Variants in PROX1 observed in about 807,000 individuals in gnomAD.
PROX1 encodes the protein prospero homeobox 1, also known as prospero homeobox protein 1.
A neutral mutation model predicts 58.8 loss-of-function variants in PROX1; 7 were observed. The ratio of observed to expected loss-of-function variants is 0.12; its 90% confidence interval spans 0.07 to 0.22. PROX1 has a LOEUF of 0.22. PROX1 is among the 10% of genes least tolerant of loss of function. The probability of loss-of-function intolerance (pLI) is 1.00; values close to 1 mark genes in which losing one functional copy is unlikely to be tolerated. For missense variants in PROX1, 675 were observed against 927.8 expected (o/e 0.73, Z 3.54); for synonymous variants, 350 against 358.3 (o/e 0.98, Z 0.26).
Position 213,988,352 on chromosome 1 carries a change from C to T in PROX1, c.-199C>T, listed in dbSNP as rs1662884987. The stretch of plus-strand genomic sequence containing the variant: ...TTGTCCAATTATCATATTCATCACC[C>T]GCAAGATATCACCGTGTGTGCACTC... On this transcript the variant is annotated 5_prime_UTR_variant, in exon 1 of 5. Coordinates refer to ENST00000366958, the MANE Select transcript of PROX1 (RefSeq NM_001270616.2). The T allele has an allele frequency of 6.6e-6, 1 of 151,870 alleles. No individual in the cohort carries two copies. The highest frequency in any genetic ancestry group is 1.5e-5 in the Non-Finnish European group (1 of 68,046). The allele number at this position is 151,870 out of a possible 1,614,324, so 9.4% of individuals were successfully genotyped here. A position where few individuals can be genotyped will look rare whatever the true frequency, so the allele number is the denominator to read the frequency against.
chr1:214,018,195 C>T (rs1571830602), intron 4 of PROX1, among the ~76,000 whole-genome samples: 1 of 152,066 alleles, frequency 6.6e-6, no homozygotes, highest in Non-Finnish European at 1.5e-5. Context: ...CTTCATTTTT[C>T]CCCCCGCAGG....
In PROX1 at chr1:214,037,619, CAG is replaced by C. The variant is rs1664870606; in HGVS notation, c.*1786_*1787del. 3.3e-5 allele frequency: 5 copies of C among 152,220 alleles called. No individual in the cohort carries two copies. In the South Asian group the frequency reaches 8.3e-4, roughly 25 times the overall value. The allele number at this position is 152,220 out of a possible 1,614,324, so 9.4% of individuals were successfully genotyped here. A position where few individuals can be genotyped will look rare whatever the true frequency, so the allele number is the denominator to read the frequency against. On this transcript the variant is annotated 3_prime_UTR_variant, in exon 5 of 5. Coordinates refer to ENST00000366958, the MANE Select transcript of PROX1 (RefSeq NM_001270616.2). ...TGCCCTGCACCATCCAGGGGACTAA[CAG>C]GGCCTCGCAGTGTAGACAGAGGGTG...
chr1:214,000,206 T>C (rs1000527152), intron 2 of PROX1, among the ~76,000 whole-genome samples: 1 of 152,216 alleles, frequency 6.6e-6, no homozygotes, highest in African/African-American at 2.4e-5. Flanking sequence ...TTCTTTAAAT[T>C]AGACTTTTCA....
intron 1 of PROX1, among the ~76,000 whole-genome samples, chr1:213,990,514 A>G (rs1662990055): frequency 1.3e-5 from 2 of 152,044 alleles, no homozygotes; most frequent in South Asian, 2.1e-4. Flanking sequence ...GCTGTGTCCC[A>G]GGCTTCTGTC....
intron 2 of PROX1, among the ~76,000 whole-genome samples, chr1:214,002,326 C>G (rs1172099810): frequency 6.6e-6 from 1 of 151,910 alleles, no homozygotes; most frequent in Admixed American, 6.6e-5. Flanking sequence ...GCTGCAGTAC[C>G]CTGCTTCTCT....
In PROX1 at chr1:214,040,836, T is replaced by TTA. The variant is rs959412927; in HGVS notation, c.*5004_*5005dup. The TTA allele has an allele frequency of 6.6e-6, 1 of 152,114 alleles. No individual in the cohort carries two copies. Among genetic ancestry groups the TTA allele is most frequent in the African/African-American group, 2.4e-5 (1 of 41,440 alleles). The allele number at this position is 152,114 out of a possible 1,614,324, so 9.4% of individuals were successfully genotyped here. ...TATTGTTCTGAAGACTTTGCATAAT[T>TTA]TATTGGTTTAATTTATCCTAATTTA... On this transcript the variant is annotated 3_prime_UTR_variant, in exon 5 of 5. Coordinates refer to ENST00000366958, the MANE Select transcript of PROX1 (RefSeq NM_001270616.2).
At chr1:214,029,181 C>T (rs984793879) in intron 4 of PROX1, 1 of 152,242 alleles carries the variant, frequency 6.6e-6, no homozygotes, top group Non-Finnish European at 1.5e-5. Context: ...CGGGAAAGTA[C>T]TTCAACTATT....
At position 213,997,720 on chromosome 1, in the gene PROX1, C is replaced by T; in HGVS notation, c.1185C>T (p.Val395=). The part of the protein sequence containing the change: ...PLQIPQARFA[V]NGENHNFHTA... ...AGATCCCCCAGGCCAGATTTGCAGT[C>T]AATGGGGAAAACCACAATTTCCACA... Residue 395 remains valine, a synonymous_variant, in exon 2 of 5, where the codon GTC becomes GTT. Coordinates refer to ENST00000366958, the MANE Select transcript of PROX1 (RefSeq NM_001270616.2). The surrounding 1 kb of genome is among the most constrained non-coding windows in gnomAD (Gnocchi z 7.1). 6.2e-7 allele frequency: 1 copy of T among 1,614,084 alleles called. No homozygotes were observed. The highest frequency in any genetic ancestry group is 8.5e-7 in the Non-Finnish European group (1 of 1,179,978).
rs767249273 is a variant in PROX1, at chr1:213,997,585, G to C, written c.1050G>C (p.Glu350Asp). 1.2e-6 allele frequency: 2 copies of C among 1,614,158 alleles called. No homozygotes were observed. Among genetic ancestry groups the C allele is most frequent in the South Asian group, 2.2e-5 (2 of 91,076 alleles). Residue 350 changes from glutamate to aspartate, a missense_variant, in exon 2 of 5, where the codon GAG (glutamate) becomes GAC (aspartate). Glu to Asp is a conservative substitution (Grantham distance 45). This residue lies in a region of PROX1 where 403 missense variants were observed against 477.4 expected (regional missense o/e 0.84). Coordinates refer to ENST00000366958, the MANE Select transcript of PROX1 (RefSeq NM_001270616.2). This position sits in a 1 kb window ranked among gnomAD's most constrained non-coding sequence, Gnocchi z 7.1. Reference sequence around the variant, plus strand: ...AACCGGAAGGCAAACATTTGGCTGAGACCTTGAAACAGGAACTGAACACTG... The same window carrying C: ...AACCGGAAGGCAAACATTTGGCTGACACCTTGAAACAGGAACTGAACACTG... ...SLQPEGKHLAETLKQELNTAM... is the reference protein window; with the variant it reads ...SLQPEGKHLADTLKQELNTAM...
At chr1:214,009,575 T>C (rs1663837055) in intron 3 of PROX1, among the ~76,000 whole-genome samples, 1 of 152,184 alleles carries the variant, frequency 6.6e-6, no homozygotes, top group African/African-American at 2.4e-5. Context: ...GCTTGCCTCA[T>C]GTTTGGGGAG....
In PROX1 at chr1:213,996,915, A is replaced by T; in HGVS notation, c.380A>T (p.Asp127Val). 6.2e-7 allele frequency: 1 copy of T among 1,614,090 alleles called. No individual in the cohort carries two copies. The highest frequency in any genetic ancestry group is 2.2e-5 in the East Asian group (1 of 44,864). ...SSTGSEVHQE[D>V]ICSNSSRDSP... Reference sequence around the variant, plus strand: ...ACAGGCTCCGAAGTACATCAGGAGGATATATGCAGCAACTCTTCAAGAGAC... The same window carrying T: ...ACAGGCTCCGAAGTACATCAGGAGGTTATATGCAGCAACTCTTCAAGAGAC... The change falls in exon 2 of 5, where the codon GAT (aspartate) becomes GTT (valine). Residue 127 changes from aspartate to valine, a missense_variant. Asp to Val is a radical substitution (Grantham distance 152). This residue lies in a region of PROX1 where 157 missense variants were observed against 197.8 expected (regional missense o/e 0.79). Coordinates refer to ENST00000366958, the MANE Select transcript of PROX1 (RefSeq NM_001270616.2).
intron 4 of PROX1, among the ~76,000 whole-genome samples, chr1:214,012,127 T>C (rs1171569083): frequency 6.6e-6 from 1 of 152,226 alleles, no homozygotes; most frequent in Admixed American, 6.5e-5. Flanking sequence ...CTACCAATGT[T>C]ATTTTCTTAA....
At chr1:213,987,723 GC>G (rs1457887952), upstream of PROX1, 1 of 112,178 alleles carries the variant, frequency 8.9e-6, no homozygotes, top group Non-Finnish European at 1.9e-5. Flanking sequence ...GGGGGTGGGG[GC>G]CGGGGATGGA....
At chr1:214,010,835 C>A (rs530967332) in intron 3 of PROX1, among the ~76,000 whole-genome samples, 1 of 152,120 alleles carries the variant, frequency 6.6e-6, no homozygotes, top group Non-Finnish European at 1.5e-5. Flanking sequence ...GGCAGAGATA[C>A]CAAGGGAGGG....
At chr1:213,993,883 C>G (rs1160828754) in intron 1 of PROX1, among the ~76,000 whole-genome samples, 2 of 152,156 alleles carry the variant, frequency 1.3e-5, no homozygotes, top group Non-Finnish European at 2.9e-5. Flanking sequence ...AGATACAAAT[C>G]GTTATTTAAT....
At chr1:213,990,686 G>GTA (rs1663000599) in intron 1 of PROX1, among the ~76,000 whole-genome samples, 1 of 148,866 alleles carries the variant, frequency 6.7e-6, no homozygotes, top group Non-Finnish European at 1.5e-5. Flanking sequence ...GTGTGTGTGT[G>GTA]TGTGTGTGTG....
intron 3 of PROX1, 135 bp downstream of exon 3, chr1:214,005,407 G>T: frequency 1.5e-6 from 1 of 685,504 alleles, no homozygotes; most frequent in Non-Finnish European, 2.4e-6. Flanking sequence ...TAATGCACTT[G>T]TCTTTTTGTC....
chr1:213,990,469 A>G (rs1352002587), intron 1 of PROX1, among the ~76,000 whole-genome samples: 3 of 150,836 alleles, frequency 2.0e-5, no homozygotes, highest in Admixed American at 2.0e-4. Context: ...GTGTTTGTTT[A>G]TTTTTCTTAA....
rs140920446 is a variant in PROX1 at position 214,031,743 on chromosome 1, C to T, written c.2029-3906C>T. Among the ~76,000 whole-genome samples the T allele has an allele frequency of 1.1e-3, 167 of 152,274 alleles. 1 individual carries two copies. Among genetic ancestry groups the T allele is most frequent in the African/African-American group, 3.7e-3 (155 of 41,542 alleles). On this transcript the variant is annotated intron_variant, in intron 4 of 4. Coordinates refer to ENST00000366958, the MANE Select transcript of PROX1 (RefSeq NM_001270616.2). ...TCTGATAAGACTGGTTTCTAAGATGCTCCCACAAAACATCAGAAAGTACCC... is the reference window on the plus strand; with the variant it reads ...TCTGATAAGACTGGTTTCTAAGATGTTCCCACAAAACATCAGAAAGTACCC...
Sources: gnomAD v4.1 joint callset for allele counts (sites outside exome capture counted in the v4.1 genomes callset) on GRCh38, gnomAD v4.1.1 for gene constraint, gnomAD v4.1.1 regional missense constraint, Gnocchi (gnomAD v3.1) non-coding constraint, MANE v1.5 for transcripts, NCBI Gene and HGNC (gene_info 2026-07-23, HGNC 2026-07-21) for gene names.